ANAPC4: variants seen among roughly 807,000 people sequenced by gnomAD.
ANAPC4 encodes the protein anaphase promoting complex subunit 4.
ANAPC4 carries 63 observed loss-of-function variants against 119.8 expected under a neutral mutation model. The ratio of observed to expected loss-of-function variants is 0.53; its 90% confidence interval spans 0.43 to 0.65. The LOEUF (loss-of-function observed/expected upper bound fraction) is 0.65, where lower values mean the gene tolerates loss of function less well. Among genes scored for constraint, ANAPC4 ranks in the 30% least tolerant of loss-of-function variants. ANAPC4 has a pLI of 0.00. For synonymous variants in ANAPC4, 283 were observed against 318.6 expected (o/e 0.89, Z 1.19); for missense variants, 716 against 945.1 (o/e 0.76, Z 3.18).
At chr4:25,416,727 A>G in intron 27 of ANAPC4, 129 bp downstream of exon 27, 2 of 681,188 alleles carry the variant, frequency 2.9e-6, no homozygotes, top group Non-Finnish European at 4.3e-6. Flanking sequence ...GAGGTAGCTG[A>G]GCAGAAATGC....
intron 17 of ANAPC4, among the ~76,000 whole-genome samples, chr4:25,403,497 T>TTTG (rs1220603171): frequency 6.6e-6 from 1 of 152,188 alleles, no homozygotes; most frequent in African/African-American, 2.4e-5. Flanking sequence ...TTAAAAAATT[T>TTTG]TTGTAAGTAT....
At chr4:25,402,759 G>A (rs1261059149) in intron 16 of ANAPC4, among the ~76,000 whole-genome samples, 1 of 152,056 alleles carries the variant, frequency 6.6e-6, no homozygotes, top group Admixed American at 6.6e-5. Flanking sequence ...TAAGTTATTT[G>A]CTTTATTTTT....
intron 27 of ANAPC4, 23 bp from the exon 28 acceptor site, chr4:25,417,593 A>G (rs776174393): frequency 7.0e-6 from 11 of 1,561,536 alleles, no homozygotes; most frequent in Non-Finnish European, 9.5e-6. Flanking sequence ...TTCATTCCTG[A>G]GTTGGTTTTT....
chr4:25,406,397 A>G (rs1723251511), intron 18 of ANAPC4, among the ~76,000 whole-genome samples: 1 of 152,196 alleles, frequency 6.6e-6, no homozygotes, highest in South Asian at 2.1e-4. Flanking sequence ...GAAGAACTAA[A>G]TTGGGATAAA....
At chr4:25,407,086 A>G in intron 19 of ANAPC4, 111 bp from the exon 20 acceptor site, 1 of 980,808 alleles carries the variant, frequency 1.0e-6, no homozygotes. Flanking sequence ...ATAAAAGAAA[A>G]TAATAACTGC....
chr4:25,413,275 A>G (rs1237082468), intron 21 of ANAPC4: 1 of 160,534 alleles, frequency 6.2e-6, no homozygotes, highest in African/African-American at 2.4e-5. Context: ...CTTAAAAAAC[A>G]GTACTGGACT....
In ANAPC4 at chr4:25,377,482, C is replaced by T. The variant is rs1027340582; in HGVS notation, c.55C>T (p.Leu19Phe). Residue 19 changes from leucine (L) to phenylalanine (F), a missense_variant, in exon 2 of 29, where the codon CTC becomes TTC. Physicochemically the swap from Leu to Phe is conservative, Grantham distance 22. This residue lies in a region of ANAPC4 where 202 missense variants were observed against 293.5 expected (regional missense o/e 0.69). Transcript: ENST00000315368. ...CTTCCGGGTGGTGGGAGAGAAGCAG[C>T]TCCCGCAGGAGATTATTTTCCTGGT... Reference protein sequence around the residue: ...PSFRVVGEKQLPQEIIFLVWS... With the variant: ...PSFRVVGEKQFPQEIIFLVWS... 1 of 1,614,132 alleles carries T rather than the reference C, an allele frequency of 6.2e-7. No homozygotes were observed. Among genetic ancestry groups the T allele is most frequent in the Non-Finnish European group, 8.5e-7 (1 of 1,180,000 alleles).
At position 25,409,763 on chromosome 4, in the gene ANAPC4, CT is replaced by C; in HGVS notation, c.1500del (p.Leu501PhefsTer25). The C allele has an allele frequency of 1.9e-6, 3 of 1,613,402 alleles. No individual in the cohort carries two copies. Among genetic ancestry groups the C allele is most frequent in the Non-Finnish European group, 2.5e-6 (3 of 1,179,618 alleles). ...PNTEGNQWYDFLQNSSHLKES... is the reference protein window; with the variant it reads ...PNTEGNQWYDXLQNSSHLKES... ...ACACAGAAGGAAACCAGTGGTATGA[CT>C]TTCTTCAAAATAGCAGCCACCTTAA... On this transcript the variant is annotated frameshift_variant, in exon 21 of 29. Transcript: ENST00000315368. LOFTEE classifies it high-confidence loss of function.
At chr4:25,404,783 T>C (rs1723165909) in intron 17 of ANAPC4, among the ~76,000 whole-genome samples, 1 of 152,114 alleles carries the variant, frequency 6.6e-6, no homozygotes, top group Non-Finnish European at 1.5e-5. Flanking sequence ...GTAATCTCCA[T>C]GAAGGCAGGG....
chr4:25,382,121 TTCCC>T (rs1560428254), intron 3 of ANAPC4, among the ~76,000 whole-genome samples: 1 of 151,496 alleles, frequency 6.6e-6, no homozygotes, highest in African/African-American at 2.4e-5. Context: ...TTTCTTTTTT[TTCCC>T]CCCCCTCACT....
chr4:25,384,593 C>G (rs575926431), intron 4 of ANAPC4, among the ~76,000 whole-genome samples: 2 of 152,160 alleles, frequency 1.3e-5, no homozygotes, highest in South Asian at 4.1e-4. Context: ...TTTGGGAGGC[C>G]AAGGTAGGCA....
Position 25,377,316 on chromosome 4 carries a change from T to C in ANAPC4, c.-39T>C. The C allele has an allele frequency of 1.4e-6, 2 of 1,439,130 alleles. No homozygotes were observed. The highest frequency in any genetic ancestry group is 1.9e-6 in the Non-Finnish European group (2 of 1,071,374). The allele number at this position is 1,439,130 out of a possible 1,614,324, so 89.1% of individuals were successfully genotyped here. On this transcript the variant is annotated 5_prime_UTR_variant, in exon 1 of 29. Coordinates refer to ENST00000315368, the MANE Select transcript of ANAPC4 (RefSeq NM_013367.3). Reference sequence around the variant, plus strand: ...GGGAGGGGAGAGGCCACTGGGGCCGTGTTAGTCTGCCGGTGGGGACTCTTG... The same window carrying C: ...GGGAGGGGAGAGGCCACTGGGGCCGCGTTAGTCTGCCGGTGGGGACTCTTG...
At position 25,388,828 on chromosome 4, in the gene ANAPC4, T is replaced by C. The variant is rs1457810571; in HGVS notation, c.471-10T>C. On this transcript the variant is annotated splice_polypyrimidine_tract_variant and intron_variant, in intron 6 of 28. Coordinates refer to ENST00000315368, the MANE Select transcript of ANAPC4 (RefSeq NM_013367.3). ...ATTGAAAGATGACCCAATTTACTTC[T>C]ATATTTTAGTGAAGAAAATTCTGAT... 1 of 1,605,326 alleles carries C rather than the reference T, an allele frequency of 6.2e-7. No homozygotes were observed. The highest frequency in any genetic ancestry group is 8.5e-7 in the Non-Finnish European group (1 of 1,175,184).
At chr4:25,394,258 C>T (rs928555670) in intron 11 of ANAPC4, 52 bp from the exon 12 acceptor site, 37 of 1,410,998 alleles carry the variant, frequency 2.6e-5, no homozygotes, top group Non-Finnish European at 3.5e-5. Context: ...AATAAATATG[C>T]TTATAATTTA....
chr4:25,405,422 G>A lies in ANAPC4; in HGVS notation c.1271-151G>A. 1 of 688,726 alleles carries A rather than the reference G, an allele frequency of 1.5e-6. No homozygotes were observed. The highest frequency in any genetic ancestry group is 2.0e-5 in the South Asian group (1 of 51,184). The allele number at this position is 688,726 out of a possible 1,614,324, so 42.7% of individuals were successfully genotyped here. On this transcript the variant is annotated intron_variant, in intron 17 of 28. Coordinates refer to ENST00000315368, the MANE Select transcript of ANAPC4 (RefSeq NM_013367.3). This position sits in a 1 kb window ranked among gnomAD's most constrained non-coding sequence, Gnocchi z 4.6. ...CAAATTTAAGTTCTGGCACCCCTTAGTTTTTGGAAGAAAAATGTTTTTGTT... is the reference window on the plus strand; with the variant it reads ...CAAATTTAAGTTCTGGCACCCCTTAATTTTTGGAAGAAAAATGTTTTTGTT...
At chr4:25,393,688 G>A (rs1031519965) in intron 10 of ANAPC4, 117 bp from the exon 11 acceptor site, 13 of 560,908 alleles carry the variant, frequency 2.3e-5, no homozygotes, top group Admixed American at 7.2e-5. Context: ...AAATAAAACA[G>A]TGATTGAAAG....
intron 26 of ANAPC4, 60 bp downstream of exon 26, chr4:25,415,600 G>A (rs926923579): frequency 4.1e-6 from 6 of 1,456,962 alleles, no homozygotes; most frequent in Non-Finnish European, 5.7e-6. Context: ...TATATGTTTA[G>A]GAATAGGATC....
chr4:25,409,821 A>G (rs1723465059), intron 21 of ANAPC4, 30 bp downstream of exon 21: 1 of 1,570,202 alleles, frequency 6.4e-7, no homozygotes, highest in Admixed American at 1.7e-5. Flanking sequence ...GATTTTGGCC[A>G]TTTTTGTTTT....
intron 4 of ANAPC4, among the ~76,000 whole-genome samples, chr4:25,388,120 CAT>C (rs2109116284): frequency 6.6e-6 from 1 of 152,218 alleles, no homozygotes; most frequent in South Asian, 2.1e-4. Context: ...GACCCTGTCT[CAT>C]AAATAAAAGA....
Sources: gnomAD v4.1 joint callset for allele counts (sites outside exome capture counted in the v4.1 genomes callset) on GRCh38, gnomAD v4.1.1 for gene constraint, gnomAD v4.1.1 regional missense constraint, Gnocchi (gnomAD v3.1) non-coding constraint, MANE v1.5 for transcripts, NCBI Gene and HGNC (gene_info 2026-07-23, HGNC 2026-07-21) for gene names.